Variants in NGEF observed in about 807,000 individuals in gnomAD.
NGEF encodes neuronal guanine nucleotide exchange factor.
A neutral mutation model predicts 80.9 loss-of-function variants in NGEF; 31 were observed. That is an observed-to-expected ratio of 0.38 (90% confidence interval 0.29 to 0.52). NGEF has a LOEUF of 0.52. NGEF is among the 20% of genes least tolerant of loss of function. The pLI, the probability that NGEF is intolerant of heterozygous loss-of-function variation, is 0.84. For missense variants in NGEF, 709 were observed against 926.2 expected (o/e 0.77, Z 3.04); for synonymous variants, 371 against 370.2 (o/e 1.00, Z -0.03).
intron 5 of NGEF, among the ~76,000 whole-genome samples, chr2:232,914,003 C>T (rs1692741970): frequency 1.3e-5 from 2 of 152,172 alleles, no homozygotes; most frequent in Admixed American, 1.3e-4. Flanking sequence ...ATACTGTGTT[C>T]AGATAATTTG....
In NGEF at chr2:232,958,694, C is replaced by T. The variant is rs143890745; in HGVS notation, c.383+11520G>A. ...CTGAAGGGTCTCTATACTCAAGCTC[C>T]TGTCTTTTTGTATTTTAAAAAACAA... On this transcript the variant is annotated intron_variant, in intron 3 of 14. Transcript: ENST00000264051. Among the ~76,000 whole-genome samples, 601 of 152,266 alleles carry T rather than the reference C, an allele frequency of 3.9e-3. 7 individuals carry two copies. The highest frequency in any genetic ancestry group is 0.014 in the African/African-American group (579 of 41,550).
At chr2:232,907,188 G>GAAAAAAAAGAA (rs1692585430) in intron 5 of NGEF, among the ~76,000 whole-genome samples, 23 of 113,140 alleles carry the variant, frequency 2.0e-4, no homozygotes, top group Non-Finnish European at 2.4e-4. Context: ...AGAAAAAAAA[G>GAAAAAAAAGAA]AAAAAAAAAA....
chr2:232,921,971 ATGAGGGT>A (rs1692954608), intron 4 of NGEF, among the ~76,000 whole-genome samples: 2 of 152,002 alleles, frequency 1.3e-5, no homozygotes, highest in Non-Finnish European at 2.9e-5. Context: ...ACTGGAGGAG[ATGAGGGT>A]CCGGCTGAGG....
At chr2:232,910,025 C>A (rs1221182759) in intron 5 of NGEF, among the ~76,000 whole-genome samples, 1 of 152,150 alleles carries the variant, frequency 6.6e-6, no homozygotes, top group Non-Finnish European at 1.5e-5. Flanking sequence ...GGACCTTTGG[C>A]TTGTTTCCAG....
intron 5 of NGEF, among the ~76,000 whole-genome samples, chr2:232,895,158 C>T (rs557197443): frequency 5.9e-5 from 9 of 152,310 alleles, no homozygotes; most frequent in Admixed American, 2.0e-4. Context: ...ACGGAGGCTA[C>T]TCCCTGTGAG....
At chr2:233,003,166 G>A (rs1695015704) in intron 1 of NGEF, among the ~76,000 whole-genome samples, 1 of 152,176 alleles carries the variant, frequency 6.6e-6, no homozygotes, top group Non-Finnish European at 1.5e-5. Flanking sequence ...CCCGGGAGGT[G>A]GCGGAGCATT....
intron 5 of NGEF, among the ~76,000 whole-genome samples, chr2:232,904,902 C>A (rs1370174184): frequency 6.6e-6 from 1 of 152,222 alleles, no homozygotes; most frequent in African/African-American, 2.4e-5. Context: ...GTGATCGCAC[C>A]ACTGCACTCC....
At chr2:232,954,934 A>C (rs1693766251) in intron 3 of NGEF, among the ~76,000 whole-genome samples, 1 of 152,112 alleles carries the variant, frequency 6.6e-6, no homozygotes, top group Admixed American at 6.5e-5. Context: ...GAGACATAGT[A>C]ACAGGTCACG....
At chr2:232,950,753 G>T (rs770251849) in intron 3 of NGEF, among the ~76,000 whole-genome samples, 95 of 152,122 alleles carry the variant, frequency 6.2e-4, no homozygotes, top group Non-Finnish European at 1.3e-3. Flanking sequence ...CTTCCAGGAG[G>T]TCCCCTCACC....
chr2:232,942,837 C>A (rs993497672), intron 3 of NGEF, among the ~76,000 whole-genome samples: 2 of 148,438 alleles, frequency 1.3e-5, no homozygotes, highest in Non-Finnish European at 1.5e-5. Context: ...GATGAGTGTA[C>A]CTTGAGCTCA....
intron 5 of NGEF, among the ~76,000 whole-genome samples, chr2:232,896,093 G>A (rs969592552): frequency 3.3e-5 from 5 of 152,146 alleles, no homozygotes; most frequent in African/African-American, 1.2e-4. Flanking sequence ...TCCCAGGAGG[G>A]ACAGCAGAGT....
intron 9 of NGEF, 153 bp from the exon 10 acceptor site, chr2:232,885,522 G>A: frequency 1.6e-6 from 1 of 639,358 alleles, no homozygotes; most frequent in Non-Finnish European, 2.8e-6. Context: ...AGTCGGACTG[G>A]AGCTCCTCTT....
chr2:232,938,636 G>A (rs948015639), intron 3 of NGEF, among the ~76,000 whole-genome samples: 2 of 150,004 alleles, frequency 1.3e-5, no homozygotes, highest in African/African-American at 2.5e-5. Context: ...GCTCATGCCT[G>A]TAATCCCAGC....
Position 232,984,715 on chromosome 2 carries a change from C to G in NGEF, c.-74-9751G>C, listed in dbSNP as rs903441088. Among the ~76,000 whole-genome samples the G allele has an allele frequency of 3.3e-5, 5 of 152,152 alleles. No individual in the cohort carries two copies. In the South Asian group the frequency reaches 6.2e-4, roughly 19 times the overall value. ...AGCCGGGAGGACTCTGGGGAAGAAG[C>G]CTGCAGGCTTGGCAGGCATTAGGCA... On this transcript the variant is annotated intron_variant, in intron 1 of 14. Transcript: ENST00000264051.
At chr2:232,980,342 A>G (rs1694387502) in intron 1 of NGEF, among the ~76,000 whole-genome samples, 1 of 152,010 alleles carries the variant, frequency 6.6e-6, no homozygotes, top group Non-Finnish European at 1.5e-5. Flanking sequence ...ACTGCAGGGG[A>G]GGAAGGCACA....
chr2:232,984,666 G>C (rs912267190), intron 1 of NGEF, among the ~76,000 whole-genome samples: 2 of 152,214 alleles, frequency 1.3e-5, no homozygotes, highest in Non-Finnish European at 2.9e-5. Context: ...ATGAGCCATC[G>C]GTGTGGGTGA....
chr2:232,977,211 A>T (rs6718452), intron 1 of NGEF, among the ~76,000 whole-genome samples: 16 of 151,512 alleles, frequency 1.1e-4, no homozygotes, highest in South Asian at 4.2e-4. Flanking sequence ...GGACCCCTGC[A>T]CTTGCTCCAC....
intron 1 of NGEF, among the ~76,000 whole-genome samples, chr2:233,007,902 T>A (rs1001911821): frequency 3.3e-5 from 5 of 152,170 alleles, no homozygotes; most frequent in African/African-American, 1.2e-4. Flanking sequence ...CCCTTTTCAA[T>A]CCAGAAACAA....
intron 1 of NGEF, 108 bp from the exon 2 acceptor site, chr2:232,975,072 G>A: frequency 1.6e-6 from 1 of 609,034 alleles, no homozygotes; most frequent in South Asian, 2.2e-5. Flanking sequence ...GGGATAATCT[G>A]CACATCCTGG....
Sources: allele counts gnomAD v4.1 joint callset (sites outside exome capture counted in the v4.1 genomes callset), GRCh38; gene constraint gnomAD v4.1.1; transcripts MANE v1.5; gene names NCBI Gene and HGNC (gene_info 2026-07-23, HGNC 2026-07-21).